AGAP6: variants seen among roughly 807,000 people sequenced by gnomAD.
AGAP6 encodes the protein arf-GAP with GTPase, ANK repeat and PH domain-containing protein 6.
AGAP6 carries 29 observed loss-of-function variants against 63.9 expected under a neutral mutation model. The ratio of observed to expected loss-of-function variants is 0.45; its 90% CI spans 0.34 to 0.62. The LOEUF is 0.62. Among genes scored for constraint, AGAP6 ranks in the 20% least tolerant of loss-of-function variants. AGAP6 has a pLI of 0.01. For synonymous variants in AGAP6, 199 were observed against 332.9 expected (o/e 0.60, Z 4.38); for missense variants, 493 against 884.9 (o/e 0.56, Z 5.62).
chr10:49,989,533 A>G (rs1554860411), intron 2 of AGAP6, among the ~76,000 whole-genome samples, 157 bp downstream of exon 2: 2 of 152,146 alleles, frequency 1.3e-5, no homozygotes, highest in Non-Finnish European at 2.9e-5. Context: ...ATGGTACCTA[A>G]GTGAAGGAAC....
rs1332709192 is a variant in AGAP6, at chr10:50,010,187, TA to T, written c.*2del. 1 of 1,596,654 alleles carries T rather than the reference TA, an allele frequency of 6.3e-7. No homozygotes were observed. Among genetic ancestry groups the T allele is most frequent in the African/African-American group, 1.3e-5 (1 of 74,442 alleles). The stretch of plus-strand genomic sequence containing the variant: ...CGGCTGCCCCGACGAGTGTGTGTAG[TA>T]TCTGTTTTATTTGACTGCAGTCTCC... On this transcript the variant is annotated 3_prime_UTR_variant, in exon 8 of 8. Transcript: ENST00000412531.
intron 4 of AGAP6, among the ~76,000 whole-genome samples, chr10:49,996,023 CTCT>C: frequency 6.6e-6 from 1 of 152,182 alleles, no homozygotes; most frequent in South Asian, 2.1e-4. Context: ...TGCAGACTAT[CTCT>C]TCTTGAGAAT....
intron 5 of AGAP6, among the ~76,000 whole-genome samples, chr10:50,004,173 G>A (rs1256845853): frequency 3.3e-5 from 5 of 150,984 alleles, no homozygotes; most frequent in Admixed American, 2.0e-4. Context: ...CAACAAGAGC[G>A]AAACTCCACC....
At position 49,999,369 on chromosome 10, in the gene AGAP6, A is replaced by G. The variant is rs1841610206; in HGVS notation, c.397-2627A>G. ...AGAATTAAAAACAAAAAATCACATG[A>G]TCATCTAAACAGATGCAGAAAAAGC... On this transcript the variant is annotated intron_variant, in intron 4 of 7. Coordinates refer to ENST00000412531, the MANE Select transcript of AGAP6 (RefSeq NM_001077665.3). Among the ~76,000 whole-genome samples, 4 of 138,672 alleles carry G rather than the reference A, an allele frequency of 2.9e-5. 1 individual carries two copies. Among genetic ancestry groups the G allele is most frequent in the Admixed American group, 1.6e-4 (2 of 12,418 alleles). The allele number at this position is 138,672 out of a possible 152,430, so 91.0% of individuals were successfully genotyped here.
chr10:49,998,934 C>G (rs1841595088), intron 4 of AGAP6, among the ~76,000 whole-genome samples: 1 of 141,104 alleles, frequency 7.1e-6, no homozygotes, highest in Non-Finnish European at 1.5e-5. Flanking sequence ...AATAATCCGG[C>G]CAGGCACGGT....
In AGAP6 at chr10:49,988,512, G is replaced by A; in HGVS notation, c.-204G>A. 1 of 1,448,496 alleles carries A rather than the reference G, an allele frequency of 6.9e-7. No individual in the cohort carries two copies. Among genetic ancestry groups the A allele is most frequent in the Non-Finnish European group, 9.0e-7 (1 of 1,110,918 alleles). 89.7% of individuals were successfully genotyped at this position (1,448,496 alleles called of 1,614,324 possible). A position where few individuals can be genotyped will look rare whatever the true frequency, so the allele number is the denominator to read the frequency against. On this transcript the variant is annotated 5_prime_UTR_variant, in exon 1 of 8. Coordinates refer to ENST00000412531, the MANE Select transcript of AGAP6 (RefSeq NM_001077665.3). ...CTCCCAGACAAGTCAACTCAGGGGAGGCAGCAGGGTGCGGGCCTTGGCCCG... is the reference window on the plus strand; with the variant it reads ...CTCCCAGACAAGTCAACTCAGGGGAAGCAGCAGGGTGCGGGCCTTGGCCCG...
chr10:49,989,451 C>G, intron 2 of AGAP6, 75 bp downstream of exon 2: 1 of 1,588,876 alleles, frequency 6.3e-7, no homozygotes, highest in Non-Finnish European at 8.5e-7. Flanking sequence ...CTATTCTCTT[C>G]CTTTTCTCAG....
At chr10:49,999,573 C>G (rs1182254899) in intron 4 of AGAP6, among the ~76,000 whole-genome samples, 2 of 124,940 alleles carry the variant, frequency 1.6e-5, no homozygotes, top group Non-Finnish European at 3.3e-5. Flanking sequence ...GATGCCCACT[C>G]TCACCACTTG....
rs550109196 is a variant in AGAP6, at chr10:49,998,941, C to T, written c.397-3055C>T. Among the ~76,000 whole-genome samples, 46 of 141,434 alleles carry T rather than the reference C, an allele frequency of 3.3e-4. 8 individuals are homozygous for T. Among genetic ancestry groups the T allele is most frequent in the African/African-American group, 1.1e-3 (39 of 37,018 alleles). The allele number at this position is 141,434 out of a possible 152,430, so 92.8% of individuals were successfully genotyped here. A position where few individuals can be genotyped will look rare whatever the true frequency, so the allele number is the denominator to read the frequency against. The stretch of plus-strand genomic sequence containing the variant: ...TATCAAAAAATAATCCGGCCAGGCA[C>T]GGTGGCTCACACCTGTAATCCCAGC... On this transcript the variant is annotated intron_variant, in intron 4 of 7. Transcript: ENST00000412531.
intron 4 of AGAP6, among the ~76,000 whole-genome samples, chr10:50,001,391 A>G (rs1184803106): frequency 2.2e-5 from 3 of 135,164 alleles, no homozygotes; most frequent in Non-Finnish European, 4.7e-5. Context: ...ATTGCTGCAG[A>G]AAAAAAATGA....
At chr10:50,006,584 C>G (rs1188610194) in intron 6 of AGAP6, among the ~76,000 whole-genome samples, 11 of 152,208 alleles carry the variant, frequency 7.2e-5, no homozygotes, top group Non-Finnish European at 1.5e-4. Flanking sequence ...GTTATGTTGC[C>G]TAGGCTGGTC....
rs1554865076 is a variant in AGAP6, at chr10:50,009,514, G to A, written c.1389G>A (p.Glu463=). The A allele has an allele frequency of 1.2e-6, 2 of 1,613,470 alleles. No individual in the cohort carries two copies. Among genetic ancestry groups the A allele is most frequent in the Non-Finnish European group, 1.7e-6 (2 of 1,179,926 alleles). The stretch of plus-strand genomic sequence containing the variant: ...AGTCCCAGCTGACCAGCCAGAGCGA[G>A]GCCATGGCCCTGCAGTCGATCCAAA... ...KSKSQLTSQS[E]AMALQSIQNM... The change falls in exon 8 of 8, where the codon GAG becomes GAA. Residue 463 remains glutamate (E), a synonymous_variant. Coordinates refer to ENST00000412531, the MANE Select transcript of AGAP6 (RefSeq NM_001077665.3).
chr10:49,994,919 G>A (rs58397379), intron 4 of AGAP6, among the ~76,000 whole-genome samples: 10,710 of 140,204 alleles, frequency 0.076, 542 homozygotes, highest in African/African-American at 0.14. Flanking sequence ...CCAAGATCGC[G>A]CCATTGCACT....
At chr10:50,004,046 G>A (rs1417791447) in intron 5 of AGAP6, among the ~76,000 whole-genome samples, 6 of 152,302 alleles carry the variant, frequency 3.9e-5, no homozygotes, top group East Asian at 3.9e-4. Flanking sequence ...TTAGCTGGGC[G>A]TGGTGGCACA....
rs4043593 is a variant in AGAP6, at chr10:50,001,979, G to A, written c.397-17G>A. On this transcript the variant is annotated splice_polypyrimidine_tract_variant and intron_variant, in intron 4 of 7. Coordinates refer to ENST00000412531, the MANE Select transcript of AGAP6 (RefSeq NM_001077665.3). The stretch of plus-strand genomic sequence containing the variant: ...TACACTTTGATAAGTTTGACTTACA[G>A]TTCCCTTCCCCTTCAGGTATCTGCT... The A allele has an allele frequency of 6.2e-7, 1 of 1,611,528 alleles. No homozygotes were observed. The highest frequency in any genetic ancestry group is 1.3e-5 in the African/African-American group (1 of 74,890).
Position 50,009,707 on chromosome 10 carries a change from C to T in AGAP6, c.1582C>T (p.Leu528Phe). 1 of 1,614,174 alleles carries T rather than the reference C, an allele frequency of 6.2e-7. No homozygotes were observed. The highest frequency in any genetic ancestry group is 2.2e-5 in the East Asian group (1 of 44,892). The change falls in exon 8 of 8, where the codon CTC (leucine) becomes TTC (phenylalanine). Residue 528 changes from leucine (L) to phenylalanine (F), a missense_variant. This residue lies in a region of AGAP6 where 87 missense variants were observed against 92.9 expected (regional missense o/e 0.94). Coordinates refer to ENST00000412531, the MANE Select transcript of AGAP6 (RefSeq NM_001077665.3). ...GGAGCTGGATGACTGGCCAGTTGAG[C>T]TCAGGAAGGTTATGTCATCTATTGT... Reference protein sequence around the residue: ...SLELDDWPVELRKVMSSIVND... With the variant: ...SLELDDWPVEFRKVMSSIVND...
chr10:49,996,306 A>G (rs568349976), intron 4 of AGAP6, among the ~76,000 whole-genome samples: 16 of 150,540 alleles, frequency 1.1e-4, no homozygotes, highest in African/African-American at 3.4e-4. Flanking sequence ...TATTGTTTTG[A>G]TCTCTTTTCT....
chr10:50,001,710 C>T (rs1349518176), intron 4 of AGAP6, among the ~76,000 whole-genome samples: 11 of 129,248 alleles, frequency 8.5e-5, no homozygotes, highest in African/African-American at 2.3e-4. Context: ...TGAGCCACCG[C>T]GCCCCGCGAA....
At chr10:50,008,397 C>G (rs1436191568) in intron 7 of AGAP6, among the ~76,000 whole-genome samples, 6 of 151,564 alleles carry the variant, frequency 4.0e-5, no homozygotes, top group Non-Finnish European at 7.4e-5. Context: ...CTCCCAGGTC[C>G]CTGTTCAAGC....
Sources: gnomAD v4.1 joint callset for allele counts (sites outside exome capture counted in the v4.1 genomes callset) on GRCh38, gnomAD v4.1.1 for gene constraint, gnomAD v4.1.1 regional missense constraint, MANE v1.5 for transcripts, NCBI Gene and HGNC (gene_info 2026-07-23, HGNC 2026-07-21) for gene names.